The following PIK3CB variants were observed in gnomAD, a reference collection of about 807,000 sequenced individuals.
The protein encoded by PIK3CB is phosphatidylinositol 4,5-bisphosphate 3-kinase catalytic subunit beta isoform.
Under a neutral mutation model 136.8 loss-of-function variants are expected in PIK3CB, and 39 were observed. The observed-to-expected ratio is 0.29, with a 90% CI of 0.22 to 0.37. The LOEUF (loss-of-function observed/expected upper bound fraction) is 0.37. Ranked by LOEUF, PIK3CB falls within the 10% of genes least tolerant of loss-of-function variation. PIK3CB has a pLI of 1.00. For synonymous variants in PIK3CB, 428 were observed against 436.6 expected (o/e 0.98, Z 0.25); for missense variants, 868 against 1,275.4 (o/e 0.68, Z 4.87).
At chr3:138,746,576 G>T (rs946352790) in intron 4 of PIK3CB, among the ~76,000 whole-genome samples, 1 of 152,044 alleles carries the variant, frequency 6.6e-6, no homozygotes, top group Non-Finnish European at 1.5e-5. Flanking sequence ...CAGGAGAATG[G>T]CATGAACCTG....
intron 13 of PIK3CB, 94 bp from the exon 14 acceptor site, chr3:138,695,001 AG>A (rs1173423663): frequency 2.5e-6 from 3 of 1,214,824 alleles, no homozygotes; most frequent in East Asian, 5.0e-5. Flanking sequence ...GGTCAAAAGA[AG>A]GCAAAGCTCA....
intron 1 of PIK3CB, among the ~76,000 whole-genome samples, chr3:138,815,726 T>C (rs962148963): frequency 2.0e-5 from 3 of 152,154 alleles, no homozygotes; most frequent in African/African-American, 7.2e-5. Flanking sequence ...TAGTACACAG[T>C]ATACAGGAGG....
At position 138,729,175 on chromosome 3, in the gene PIK3CB, G is replaced by A. The variant is rs187076414; in HGVS notation, c.1050+4186C>T. Among the ~76,000 whole-genome samples the A allele has an allele frequency of 1.4e-4, 22 of 151,850 alleles. No individual in the cohort carries two copies. The East Asian group carries it at 1.6e-3, about 11-fold the overall frequency. Reference sequence around the variant, plus strand: ...AGGTGCCTATAATTCCAGCTACACCGGACACTGAGGCATGAGAATCACTTG... The same window carrying A: ...AGGTGCCTATAATTCCAGCTACACCAGACACTGAGGCATGAGAATCACTTG... On this transcript the variant is annotated intron_variant, in intron 8 of 23. Coordinates refer to ENST00000674063, the MANE Select transcript of PIK3CB (RefSeq NM_006219.3).
At chr3:138,721,164 TAA>T (rs2044717564) in intron 8 of PIK3CB, among the ~76,000 whole-genome samples, 1 of 151,590 alleles carries the variant, frequency 6.6e-6, no homozygotes, top group African/African-American at 2.4e-5. Flanking sequence ...TTCATATCCT[TAA>T]GTTTTTTTTT....
chr3:138,781,583 G>C (rs1163318847), intron 2 of PIK3CB, among the ~76,000 whole-genome samples: 1 of 151,990 alleles, frequency 6.6e-6, no homozygotes, highest in Non-Finnish European at 1.5e-5. Flanking sequence ...CTCCCGAGCA[G>C]CTGGGATTAC....
intron 3 of PIK3CB, among the ~76,000 whole-genome samples, chr3:138,758,225 A>G (rs1166404001): frequency 6.6e-6 from 1 of 152,216 alleles, no homozygotes; most frequent in East Asian, 1.9e-4. Context: ...GTAGAGATGG[A>G]AAACAGAATA....
At chr3:138,753,089 G>T (rs1218131916) in intron 4 of PIK3CB, among the ~76,000 whole-genome samples, 2 of 152,138 alleles carry the variant, frequency 1.3e-5, no homozygotes, top group Admixed American at 1.3e-4. Context: ...GCCAGACTTG[G>T]TGGCTTGCAC....
chr3:138,658,633 T>C (rs1168227451), intron 21 of PIK3CB, among the ~76,000 whole-genome samples: 1 of 152,196 alleles, frequency 6.6e-6, no homozygotes, highest in Non-Finnish European at 1.5e-5. Context: ...CTATTCTTAT[T>C]ATGGAAGATA....
At chr3:138,664,105 T>C (rs1031235812) in intron 20 of PIK3CB, 76 bp from the exon 21 acceptor site, 1 of 1,509,822 alleles carries the variant, frequency 6.6e-7, no homozygotes, top group Non-Finnish European at 9.0e-7. Flanking sequence ...AAACCATACC[T>C]CTGTTTCCTT....
At chr3:138,731,759 C>T (rs915191420) in intron 8 of PIK3CB, among the ~76,000 whole-genome samples, 5 of 151,614 alleles carry the variant, frequency 3.3e-5, no homozygotes, top group African/African-American at 7.3e-5. Flanking sequence ...CCACAGCAGG[C>T]GGATCACGAG....
intron 10 of PIK3CB, among the ~76,000 whole-genome samples, chr3:138,711,264 A>G (rs2044491893): frequency 6.6e-6 from 1 of 151,374 alleles, no homozygotes; most frequent in South Asian, 2.1e-4. Context: ...AGCAACACAC[A>G]TTCATTAAAA....
intron 19 of PIK3CB, among the ~76,000 whole-genome samples, chr3:138,675,786 T>C (rs548112315): frequency 1.3e-5 from 2 of 152,280 alleles, no homozygotes; most frequent in South Asian, 2.1e-4. Context: ...CTTCCTGGTT[T>C]CAAAACTTAT....
intron 2 of PIK3CB, among the ~76,000 whole-genome samples, chr3:138,783,992 G>T (rs1038835666): frequency 2.0e-5 from 3 of 152,162 alleles, no homozygotes; most frequent in Non-Finnish European, 2.9e-5. Flanking sequence ...ACCACACTGA[G>T]ATGCCATTTC....
At chr3:138,788,987 AAAAAAC>A (rs1398612374) in intron 2 of PIK3CB, among the ~76,000 whole-genome samples, 11 of 148,240 alleles carry the variant, frequency 7.4e-5, no homozygotes, top group African/African-American at 2.8e-4. Flanking sequence ...AAAAAAAAAA[AAAAAAC>A]AAAAAACAAC....
chr3:138,707,336 T>C (rs1373568447), intron 10 of PIK3CB, 47 bp from the exon 11 acceptor site: 6 of 1,560,026 alleles, frequency 3.8e-6, no homozygotes, highest in East Asian at 2.3e-5. Context: ...TCTTTAAAAC[T>C]AGGCTTTAAA....
chr3:138,668,365 G>C (rs942888067), intron 19 of PIK3CB, among the ~76,000 whole-genome samples: 1 of 152,102 alleles, frequency 6.6e-6, no homozygotes, highest in Non-Finnish European at 1.5e-5. Context: ...TGCCTTGAGG[G>C]TAGAATGTTC....
At chr3:138,816,930 G>A (rs1036031637) in intron 1 of PIK3CB, among the ~76,000 whole-genome samples, 3 of 152,172 alleles carry the variant, frequency 2.0e-5, no homozygotes, top group Admixed American at 6.5e-5. Context: ...GCCGGGCGCC[G>A]TGGCTCACGC....
intron 4 of PIK3CB, among the ~76,000 whole-genome samples, chr3:138,750,415 G>C (rs1403918813): frequency 6.6e-6 from 1 of 152,156 alleles, no homozygotes; most frequent in Admixed American, 6.5e-5. Flanking sequence ...TCAGGCATTA[G>C]ATTCTCGCTC....
chr3:138,812,002 G>A (rs1351703285), intron 1 of PIK3CB, among the ~76,000 whole-genome samples: 1 of 152,008 alleles, frequency 6.6e-6, no homozygotes, highest in East Asian at 1.9e-4. Context: ...GAGGCCAGAG[G>A]ATTGCTTGAG....
Sources: allele counts gnomAD v4.1 joint callset (sites outside exome capture counted in the v4.1 genomes callset), GRCh38; gene constraint gnomAD v4.1.1; transcripts MANE v1.5; gene names NCBI Gene and HGNC (gene_info 2026-07-23, HGNC 2026-07-21).